The following MEI1 variants were observed in gnomAD, a reference collection of about 807,000 sequenced individuals.
The protein encoded by MEI1 is meiotic double-stranded break formation protein 1, also known as meiosis inhibitor protein 1.
Under a neutral mutation model 146.2 loss-of-function variants are expected in MEI1, and 103 were observed. The ratio of observed to expected loss-of-function variants is 0.70; its 90% CI spans 0.60 to 0.83. MEI1 has a LOEUF of 0.83. MEI1 is among the 40% of genes least tolerant of loss of function. MEI1 has a pLI of 0.00. For synonymous variants in MEI1, 652 were observed against 628.2 expected, an observed-to-expected ratio of 1.04 and a Z score of -0.57; for missense variants, 1,529 against 1,533.0, an observed-to-expected ratio of 1.00 and a Z score of 0.04.
chr22:41,783,880 G>A (rs922538572), intron 24 of MEI1, among the ~76,000 whole-genome samples: 6 of 151,180 alleles, frequency 4.0e-5, no homozygotes, highest in Non-Finnish European at 8.9e-5. Context: ...ATGGGTCTTC[G>A]CCATGTTGTC....
intron 19 of MEI1, among the ~76,000 whole-genome samples, chr22:41,768,569 C>T (rs2074994701): frequency 1.3e-5 from 2 of 152,152 alleles, no homozygotes; most frequent in African/African-American, 4.8e-5. Flanking sequence ...TTATGTGACT[C>T]ACAGTTTCAC....
intron 26 of MEI1, among the ~76,000 whole-genome samples, chr22:41,791,491 G>C (rs1223351923): frequency 6.6e-6 from 1 of 151,900 alleles, no homozygotes; most frequent in African/African-American, 2.4e-5. Flanking sequence ...TGTCTCAAAA[G>C]AAAAAAAGCA....
At chr22:41,765,575 C>G (rs2074794180) in intron 19 of MEI1, among the ~76,000 whole-genome samples, 1 of 152,096 alleles carries the variant, frequency 6.6e-6, no homozygotes, top group Admixed American at 6.6e-5. Flanking sequence ...ATTATTTCAT[C>G]TTACAAAAAA....
chr22:41,703,044 G>T (rs1379378890), intron 1 of MEI1, among the ~76,000 whole-genome samples: 1 of 152,110 alleles, frequency 6.6e-6, no homozygotes, highest in Non-Finnish European at 1.5e-5. Context: ...TCACCAACTT[G>T]TTAGGCTTAA....
At position 41,759,653 on chromosome 22, in the gene MEI1, AAAT is replaced by A. The variant is rs1395545111; in HGVS notation, c.2120+1123_2120+1125del. Among the ~76,000 whole-genome samples the A allele has an allele frequency of 3.3e-5, 5 of 149,814 alleles. No individual in the cohort carries two copies. In the East Asian group the frequency reaches 5.9e-4, roughly 18 times the overall value. The stretch of plus-strand genomic sequence containing the variant: ...TCAAAAAATAAATAAATAAATAAAT[AAAT>A]AAATAAAAATAAAAATACAAAAATC... On this transcript the variant is annotated intron_variant, in intron 18 of 30. Transcript: ENST00000401548.
chr22:41,705,091 C>T (rs1601624435), intron 2 of MEI1, among the ~76,000 whole-genome samples: 2 of 152,092 alleles, frequency 1.3e-5, no homozygotes, highest in East Asian at 3.9e-4. Flanking sequence ...TTAGCTGGAA[C>T]ATTGTTTATA....
rs1569158131 is a variant in MEI1 at position 41,713,987 on chromosome 22, G to T, written c.350-15G>T. 1 of 1,572,436 alleles carries T rather than the reference G, an allele frequency of 6.4e-7. No homozygotes were observed. The highest frequency in any genetic ancestry group is 8.6e-7 in the Non-Finnish European group (1 of 1,158,370). On this transcript the variant is annotated splice_polypyrimidine_tract_variant and intron_variant, in intron 3 of 30. Coordinates refer to ENST00000401548, the MANE Select transcript of MEI1 (RefSeq NM_152513.4). ...GGGGTGCCTCCTGGTTAGTAATACT[G>T]TTGTGTCTGTTCAGTCCTTATTCAG...
chr22:41,740,841 A>G (rs919554015), intron 11 of MEI1, among the ~76,000 whole-genome samples: 1 of 152,146 alleles, frequency 6.6e-6, no homozygotes, highest in Non-Finnish European at 1.5e-5. Context: ...GAAGAAGGAA[A>G]GGGGAAATCA....
intron 23 of MEI1, 83 bp downstream of exon 23, chr22:41,781,477 C>A: frequency 7.8e-7 from 1 of 1,274,736 alleles, no homozygotes; most frequent in East Asian, 2.5e-5. Context: ...CTTAAAAAAA[C>A]AAATAGGGTT....
chr22:41,742,132 C>T (rs760000213), intron 11 of MEI1, among the ~76,000 whole-genome samples: 6 of 151,850 alleles, frequency 4.0e-5, no homozygotes, highest in East Asian at 1.9e-4. Flanking sequence ...TAGTGGTGTG[C>T]GCCTGTAGTC....
chr22:41,758,461 T>C lies in MEI1; in HGVS notation c.2048T>C (p.Met683Thr). The change falls in exon 18 of 31, where the codon ATG becomes ACG. Residue 683 changes from methionine to threonine, a missense_variant. Met to Thr is a moderately conservative substitution (Grantham distance 81). Coordinates refer to ENST00000401548, the MANE Select transcript of MEI1 (RefSeq NM_152513.4). ...SLAFLSDRQY[M>T]EGAARQRQYC... ...GCCTTCCTGTCTGATCGCCAGTACATGGAGGGAGCTGCTCGCCAGAGACAG... is the reference window on the plus strand; with the variant it reads ...GCCTTCCTGTCTGATCGCCAGTACACGGAGGGAGCTGCTCGCCAGAGACAG... 1 of 1,613,932 alleles carries C rather than the reference T, an allele frequency of 6.2e-7. No individual in the cohort carries two copies. The highest frequency in any genetic ancestry group is 8.5e-7 in the Non-Finnish European group (1 of 1,179,876).
chr22:41,781,237 T>A (rs1380843037), intron 22 of MEI1, 47 bp from the exon 23 acceptor site: 1 of 1,368,580 alleles, frequency 7.3e-7, no homozygotes, highest in Non-Finnish European at 1.0e-6. Context: ...CTATGACAAG[T>A]GTGAGTGTTT....
At chr22:41,746,354 A>G (rs2073288114) in intron 14 of MEI1, among the ~76,000 whole-genome samples, 1 of 152,180 alleles carries the variant, frequency 6.6e-6, no homozygotes, top group African/African-American at 2.4e-5. Context: ...AATTTGCCCT[A>G]ATTTACAGAT....
At chr22:41,728,056 T>G (rs1314388327) in intron 7 of MEI1, among the ~76,000 whole-genome samples, 1 of 152,178 alleles carries the variant, frequency 6.6e-6, no homozygotes, top group Non-Finnish European at 1.5e-5. Context: ...TATACTCAAG[T>G]CCTACAGTCA....
At chr22:41,752,547 G>T in intron 15 of MEI1, 44 bp from the exon 16 acceptor site, 1 of 1,539,022 alleles carries the variant, frequency 6.5e-7, no homozygotes, top group Non-Finnish European at 8.8e-7. Context: ...TCTGTGACAA[G>T]TCTGGTTTAA....
chr22:41,714,700 G>T (rs1057228914), intron 4 of MEI1, among the ~76,000 whole-genome samples: 1 of 137,208 alleles, frequency 7.3e-6, no homozygotes, highest in Non-Finnish European at 1.5e-5. Flanking sequence ...GTGAAACCCC[G>T]TCTCTACTAA....
intron 4 of MEI1, among the ~76,000 whole-genome samples, chr22:41,714,835 C>T (rs182126016): frequency 4.6e-4 from 70 of 151,582 alleles, no homozygotes; most frequent in Middle Eastern, 3.4e-3. Context: ...GAGCTGAGAT[C>T]GCACCACTGC....
intron 15 of MEI1, 173 bp from the exon 16 acceptor site, chr22:41,752,418 C>T (rs2073819477): frequency 1.6e-6 from 1 of 614,352 alleles, no homozygotes; most frequent in Non-Finnish European, 3.0e-6. Flanking sequence ...AACTGAGTCT[C>T]AGAGAAGTTA....
chr22:41,751,506 G>A (rs2147850643), intron 15 of MEI1, among the ~76,000 whole-genome samples: 1 of 152,330 alleles, frequency 6.6e-6, no homozygotes, highest in African/African-American at 2.4e-5. Flanking sequence ...CTGGCTGGGT[G>A]CAGTGGCTCA....
Sources: gnomAD v4.1 joint callset for allele counts (sites outside exome capture counted in the v4.1 genomes callset) on GRCh38, gnomAD v4.1.1 for gene constraint, MANE v1.5 for transcripts, NCBI Gene and HGNC (gene_info 2026-07-23, HGNC 2026-07-21) for gene names.